Variants in DTNB observed in about 807,000 individuals in gnomAD.
DTNB encodes DTN-B.
Under a neutral mutation model 90.7 loss-of-function variants are expected in DTNB, and 63 were observed. The ratio of observed to expected loss-of-function variants is 0.69; its 90% CI spans 0.57 to 0.86. The LOEUF (loss-of-function observed/expected upper bound fraction) is 0.86. Ranked by LOEUF, DTNB falls within the 40% of genes least tolerant of loss-of-function variation. The pLI, the probability that DTNB is intolerant of heterozygous loss-of-function variation, is 0.00. For missense variants in DTNB, 744 were observed against 807.1 expected (o/e 0.92, Z 0.95); for synonymous variants, 277 against 286.7 (o/e 0.97, Z 0.34).
chr2:25,557,694 C>G (rs571802999), intron 8 of DTNB, among the ~76,000 whole-genome samples: 1 of 152,312 alleles, frequency 6.6e-6, no homozygotes, highest in South Asian at 2.1e-4. Flanking sequence ...CCAGGTGATT[C>G]TTTCCAGGGA....
At chr2:25,589,357 TTTTTC>T (rs1263581101) in intron 6 of DTNB, among the ~76,000 whole-genome samples, 56 of 124,812 alleles carry the variant, frequency 4.5e-4, no homozygotes, top group African/African-American at 1.5e-3. Flanking sequence ...TTCAGGTTTC[TTTTTC>T]TTTTCTTTTT....
intron 9 of DTNB, among the ~76,000 whole-genome samples, chr2:25,510,504 TTTC>T (rs988375736): frequency 3.9e-5 from 6 of 152,098 alleles, no homozygotes; most frequent in South Asian, 2.1e-4. Flanking sequence ...TTTAAGTGCC[TTTC>T]TTCTTCTTTT....
chr2:25,386,184 C>G, intron 18 of DTNB: 1 of 879,570 alleles, frequency 1.1e-6, no homozygotes, highest in East Asian at 1.2e-4. Flanking sequence ...AAAGACGAAG[C>G]TGGGCTATAC....
Position 25,467,820 on chromosome 2 carries a change from G to C in DTNB, c.1080-12326C>G, listed in dbSNP as rs181688754. On this transcript the variant is annotated intron_variant, in intron 10 of 20. Transcript: ENST00000406818. ...AAGGGTCCGATAGTAAATATTTTAG[G>C]CTTTGTAGGCCATAAGGTTTCTGTT... 1.9e-3 allele frequency among the ~76,000 whole-genome samples: 288 copies of C among 152,156 alleles called. 5 individuals are homozygous for C. Among genetic ancestry groups the C allele is most frequent in the Non-Finnish European group, 1.1e-3 (78 of 67,986 alleles).
At chr2:25,568,943 T>A (rs1366216722) in intron 8 of DTNB, among the ~76,000 whole-genome samples, 1 of 152,182 alleles carries the variant, frequency 6.6e-6, no homozygotes, top group Non-Finnish European at 1.5e-5. Flanking sequence ...TCGGCCATGC[T>A]CTCCTGGACA....
rs539359744 is a variant in DTNB, at chr2:25,528,690, C to T, written c.1001+2783G>A. Among the ~76,000 whole-genome samples the T allele has an allele frequency of 1.6e-3, 247 of 152,142 alleles. 1 individual carries two copies. Among genetic ancestry groups the T allele is most frequent in the African/African-American group, 5.6e-3 (233 of 41,494 alleles). On this transcript the variant is annotated intron_variant, in intron 9 of 20. Coordinates refer to ENST00000406818, the MANE Select transcript of DTNB (RefSeq NM_021907.5). ...AATATTCCATTTGCATAACAGCATA[C>T]GCTTACCAAAACACATCGAATTGTA...
At chr2:25,662,671 C>CACACAA (rs1369744763) in intron 1 of DTNB, among the ~76,000 whole-genome samples, 1 of 83,758 alleles carries the variant, frequency 1.2e-5, no homozygotes, top group Non-Finnish European at 2.9e-5. Flanking sequence ...CACACACACA[C>CACACAA]ACACACACAA....
chr2:25,410,274 A>C (rs2046268999), intron 16 of DTNB, among the ~76,000 whole-genome samples: 2 of 151,972 alleles, frequency 1.3e-5, no homozygotes, highest in Admixed American at 1.3e-4. Context: ...ATAGTACAGG[A>C]GGGAAATTTA....
chr2:25,542,137 C>A (rs928125800), intron 8 of DTNB, among the ~76,000 whole-genome samples: 3 of 152,074 alleles, frequency 2.0e-5, no homozygotes, highest in Admixed American at 6.5e-5. Context: ...TGTTTTGAGA[C>A]TGAGTCTCAC....
At chr2:25,384,143 T>TG (rs2038766348) in intron 18 of DTNB, among the ~76,000 whole-genome samples, 1 of 152,244 alleles carries the variant, frequency 6.6e-6, no homozygotes, top group Non-Finnish European at 1.5e-5. Context: ...TGACCAGGGC[T>TG]GGGGGCGTGC....
At chr2:25,634,268 C>T (rs1258627117) in intron 3 of DTNB, among the ~76,000 whole-genome samples, 3 of 138,776 alleles carry the variant, frequency 2.2e-5, no homozygotes, top group Non-Finnish European at 4.9e-5. Context: ...GCCAGCCGCC[C>T]CGTCCGGGAG....
chr2:25,566,511 A>C (rs1034713444), intron 8 of DTNB, among the ~76,000 whole-genome samples: 4 of 152,350 alleles, frequency 2.6e-5, no homozygotes, highest in Admixed American at 2.0e-4. Context: ...AGTAAGCACA[A>C]GTCCTGGTTT....
At chr2:25,533,983 A>G (rs11691124) in intron 8 of DTNB, among the ~76,000 whole-genome samples, 50,614 of 142,310 alleles carry the variant, frequency 0.36, 8,774 homozygotes, top group Middle Eastern at 0.44. Flanking sequence ...TTGGAAATGC[A>G]GCGTTTATTT....
intron 9 of DTNB, among the ~76,000 whole-genome samples, chr2:25,520,782 A>C (rs778708969): frequency 2.8e-4 from 42 of 152,374 alleles, no homozygotes; most frequent in South Asian, 1.0e-3. Flanking sequence ...ATATCAAAGT[A>C]ATGTATACAC....
chr2:25,561,703 C>T (rs2058289192), intron 8 of DTNB, among the ~76,000 whole-genome samples: 1 of 152,178 alleles, frequency 6.6e-6, no homozygotes, highest in Non-Finnish European at 1.5e-5. Context: ...CCCCCTCTTG[C>T]CCCTGCTCTC....
intron 8 of DTNB, among the ~76,000 whole-genome samples, chr2:25,568,804 G>T (rs2059412483): frequency 6.6e-6 from 1 of 152,134 alleles, no homozygotes; most frequent in African/African-American, 2.4e-5. Context: ...ACCATCACCG[G>T]CACCATGAGT....
chr2:25,628,780 C>T (rs982991135), intron 3 of DTNB, among the ~76,000 whole-genome samples: 2 of 152,172 alleles, frequency 1.3e-5, no homozygotes, highest in Non-Finnish European at 2.9e-5. Flanking sequence ...ACTAAAGCAA[C>T]ATTTTACAAC....
chr2:25,643,203 C>T (rs2078722487), intron 2 of DTNB, among the ~76,000 whole-genome samples: 1 of 152,144 alleles, frequency 6.6e-6, no homozygotes, highest in Admixed American at 6.5e-5. Context: ...CCCAACTGCA[C>T]CCAGTCCTCT....
intron 9 of DTNB, among the ~76,000 whole-genome samples, chr2:25,522,440 T>C (rs2076319932): frequency 6.6e-6 from 1 of 152,182 alleles, no homozygotes; most frequent in Non-Finnish European, 1.5e-5. Flanking sequence ...TATAATTCAT[T>C]CACTCAATAC....
Sources: allele counts gnomAD v4.1 joint callset (sites outside exome capture counted in the v4.1 genomes callset), GRCh38; gene constraint gnomAD v4.1.1; transcripts MANE v1.5; gene names NCBI Gene and HGNC (gene_info 2026-07-23, HGNC 2026-07-21).